GULP1: variants seen among roughly 807,000 people sequenced by gnomAD.
The protein encoded by GULP1 is PTB domain-containing engulfment adapter protein 1.
In GULP1, 19 loss-of-function variants were observed where a neutral mutation model predicts 40.9. That is an observed-to-expected ratio of 0.46 (90% CI 0.32 to 0.68). The LOEUF (loss-of-function observed/expected upper bound fraction) is 0.68, where lower values mean the gene tolerates loss of function less well. Ranked by LOEUF, GULP1 falls within the 30% of genes least tolerant of loss-of-function variation. The probability of loss-of-function intolerance (pLI) is 0.03; values close to 1 mark genes in which losing one functional copy is unlikely to be tolerated. For missense variants in GULP1, 312 were observed against 362.2 expected, an observed-to-expected ratio of 0.86 and a Z score of 1.12; for synonymous variants, 119 against 117.6, an observed-to-expected ratio of 1.01 and a Z score of -0.08.
chr2:188,433,518 C>A (rs1482436505), intron 2 of GULP1, among the ~76,000 whole-genome samples: 3 of 152,096 alleles, frequency 2.0e-5, no homozygotes, highest in Admixed American at 6.6e-5. Flanking sequence ...AGAACAAGCT[C>A]AGACTAAACC....
intron 1 of GULP1, among the ~76,000 whole-genome samples, chr2:188,369,476 G>A (rs1229330734): frequency 6.6e-6 from 1 of 152,008 alleles, no homozygotes; most frequent in East Asian, 1.9e-4. Flanking sequence ...CAGTCTTTAA[G>A]AGAACCCGGG....
At chr2:188,555,255 T>C (rs975079037) in intron 7 of GULP1, among the ~76,000 whole-genome samples, 6 of 152,190 alleles carry the variant, frequency 3.9e-5, no homozygotes, top group Admixed American at 6.5e-5. Flanking sequence ...GGTAGATGTC[T>C]GTAGTGGTAC....
chr2:188,416,600 T>C (rs777067036), intron 2 of GULP1, among the ~76,000 whole-genome samples: 1 of 152,148 alleles, frequency 6.6e-6, no homozygotes, highest in African/African-American at 2.4e-5. Flanking sequence ...AGTCTTGTGA[T>C]GGAAGAGATA....
intron 2 of GULP1, 26 bp from the exon 3 acceptor site, chr2:188,477,633 G>A: frequency 8.2e-7 from 1 of 1,225,400 alleles, no homozygotes; most frequent in Non-Finnish European, 1.2e-6. Flanking sequence ...CTTTGTTTAT[G>A]TTTTAATATT....
chr2:188,569,163 A>G (rs984849022), intron 7 of GULP1, 76 bp from the exon 8 acceptor site: 3 of 794,260 alleles, frequency 3.8e-6, no homozygotes, highest in African/African-American at 3.4e-5. Context: ...AAGTGCTTAT[A>G]TGAATGTTGT....
chr2:188,337,661 A>G (rs1401365899), intron 1 of GULP1, among the ~76,000 whole-genome samples: 1 of 151,948 alleles, frequency 6.6e-6, no homozygotes, highest in African/African-American at 2.4e-5. Context: ...AGCAAAGTAG[A>G]CTTTGGTGAG....
chr2:188,484,906 C>T (rs1034206931), intron 4 of GULP1, among the ~76,000 whole-genome samples: 1 of 152,050 alleles, frequency 6.6e-6, no homozygotes, highest in African/African-American at 2.4e-5. Flanking sequence ...TTTCTATAAA[C>T]TTAACATAAA....
rs1336158166 is a variant in GULP1 at position 188,396,262 on chromosome 2, AAC to A, written c.-45+12375_-45+12376del. On this transcript the variant is annotated intron_variant, in intron 2 of 11. Coordinates refer to ENST00000409830, the MANE Select transcript of GULP1 (RefSeq NM_016315.4). ...TCTGTCTTTCATGTTAAGCTACCAG[AAC>A]AGCCGGAGGGGCAAAGCCAGGTGGG... Among the ~76,000 whole-genome samples, 3 of 152,224 alleles carry A rather than the reference AAC, an allele frequency of 2.0e-5. No individual in the cohort carries two copies. In the East Asian group the frequency reaches 5.8e-4, roughly 29 times the overall value.
intron 2 of GULP1, among the ~76,000 whole-genome samples, chr2:188,448,214 AG>A (rs1206246038): frequency 2.6e-5 from 4 of 152,242 alleles, no homozygotes; most frequent in Admixed American, 2.6e-4. Flanking sequence ...CAAGTGTAAA[AG>A]CAGAGTTGTT....
intron 1 of GULP1, among the ~76,000 whole-genome samples, chr2:188,367,398 C>T (rs2046953737): frequency 6.6e-6 from 1 of 152,102 alleles, no homozygotes; most frequent in South Asian, 2.1e-4. Context: ...AGACTACCTC[C>T]AGGTGCTTTG....
intron 1 of GULP1, among the ~76,000 whole-genome samples, chr2:188,315,296 A>G (rs1191184941): frequency 6.6e-6 from 1 of 152,160 alleles, no homozygotes; most frequent in Admixed American, 6.6e-5. Context: ...GTTATTGTTA[A>G]TCTCTTACTG....
At chr2:188,551,049 C>G (rs927477410) in intron 7 of GULP1, among the ~76,000 whole-genome samples, 1 of 151,430 alleles carries the variant, frequency 6.6e-6, no homozygotes, top group African/African-American at 2.4e-5. Flanking sequence ...AACTAGAAAA[C>G]TAATTTTTTA....
intron 2 of GULP1, among the ~76,000 whole-genome samples, chr2:188,425,981 C>T (rs2056145747): frequency 6.6e-6 from 1 of 152,054 alleles, no homozygotes; most frequent in Non-Finnish European, 1.5e-5. Flanking sequence ...ATGAGTGACC[C>T]TGGATTGTTA....
chr2:188,539,468 T>G (rs1219980770), intron 6 of GULP1, among the ~76,000 whole-genome samples: 1 of 152,086 alleles, frequency 6.6e-6, no homozygotes, highest in African/African-American at 2.4e-5. Context: ...CAAACAAATA[T>G]GATCATTGTC....
chr2:188,347,632 G>A (rs1356147579), intron 1 of GULP1, among the ~76,000 whole-genome samples: 1 of 43,146 alleles, frequency 2.3e-5, no homozygotes, highest in Non-Finnish European at 4.9e-5. Flanking sequence ...TTTTTTTTTT[G>A]AGACAGGGTC....
At chr2:188,561,287 G>C (rs67425558) in intron 7 of GULP1, among the ~76,000 whole-genome samples, 16,996 of 152,176 alleles carry the variant, frequency 0.11, 2,231 homozygotes, top group African/African-American at 0.32. Flanking sequence ...CCAGTCATGG[G>C]CACAGTGGAC....
chr2:188,525,571 T>C (rs1190525542), intron 5 of GULP1, among the ~76,000 whole-genome samples: 2 of 151,798 alleles, frequency 1.3e-5, no homozygotes, highest in Non-Finnish European at 2.9e-5. Flanking sequence ...GCTGAATGTA[T>C]TTCATACACA....
intron 4 of GULP1, among the ~76,000 whole-genome samples, chr2:188,521,284 G>A (rs998279474): frequency 6.6e-6 from 1 of 152,092 alleles, no homozygotes; most frequent in South Asian, 2.1e-4. Context: ...TGTTTAGGAG[G>A]TATTATATCT....
At chr2:188,462,619 T>C (rs112663136) in intron 2 of GULP1, among the ~76,000 whole-genome samples, 5 of 152,184 alleles carry the variant, frequency 3.3e-5, no homozygotes, top group Non-Finnish European at 7.4e-5. Flanking sequence ...CATATATATT[T>C]AAAATTGTTA....
Sources: gnomAD v4.1 joint callset for allele counts (sites outside exome capture counted in the v4.1 genomes callset) on GRCh38, gnomAD v4.1.1 for gene constraint, MANE v1.5 for transcripts, NCBI Gene and HGNC (gene_info 2026-07-23, HGNC 2026-07-21) for gene names.